The following ECE1 variants were observed in gnomAD, a reference collection of about 807,000 sequenced individuals.
ECE1 encodes the protein endothelin-converting enzyme 1.
In ECE1, 35 loss-of-function variants were observed where a neutral mutation model predicts 98.6. That is an observed-to-expected ratio of 0.35 (90% CI 0.27 to 0.47). The LOEUF (loss-of-function observed/expected upper bound fraction) is 0.47. ECE1 is among the 20% of genes least tolerant of loss of function. ECE1 has a pLI of 1.00. For synonymous variants in ECE1, 394 were observed against 407.1 expected (o/e 0.97, Z 0.39); for missense variants, 814 against 1,025.3 (o/e 0.79, Z 2.81).
intron 8 of ECE1, 92 bp from the exon 9 acceptor site, chr1:21,247,455 G>C: frequency 6.3e-7 from 1 of 1,599,338 alleles, no homozygotes. Flanking sequence ...GCAAAGGAAA[G>C]AGCTTGGGCT....
At chr1:21,276,182 C>A (rs757057033) in intron 3 of ECE1, among the ~76,000 whole-genome samples, 1 of 151,998 alleles carries the variant, frequency 6.6e-6, no homozygotes, top group Non-Finnish European at 1.5e-5. Flanking sequence ...TCCAACACCA[C>A]GCCTGGCTAA....
intron 1 of ECE1, chr1:21,344,835 T>C (rs1639467086): frequency 1.3e-5 from 2 of 152,786 alleles, no homozygotes; most frequent in African/African-American, 4.8e-5. Context: ...ATACACCCCT[T>C]AGGCCACAGC....
rs576793760 is a variant in ECE1, at chr1:21,233,622, G to T, written c.1606C>A (p.Arg536=). The T allele has an allele frequency of 6.2e-7, 1 of 1,613,834 alleles. No individual in the cohort carries two copies. The highest frequency in any genetic ancestry group is 1.3e-5 in the African/African-American group (1 of 74,912). The change falls in exon 14 of 19, where the codon CGG becomes AGG. Residue 536 remains arginine, a synonymous_variant. Coordinates refer to ENST00000374893, the MANE Select transcript of ECE1 (RefSeq NM_001397.3). The surrounding 1 kb of genome is among the most constrained non-coding windows in gnomAD (Gnocchi z 4.0). ...VPDLYFENAM[R]FFNFSWRVTA... is the part of the protein sequence containing the mutation. ...ACCCTCCATGAGAAGTTGAAAAACC[G>T]CATGGCATTTTCAAAGTAGAGGTCT...
Position 21,227,183 on chromosome 1 carries a change from G to T in ECE1, c.1825C>A (p.Leu609Met). The change falls in exon 16 of 19, where the codon CTG becomes ATG. Residue 609 changes from leucine to methionine, a missense_variant. By Grantham distance (15) the Leu-to-Met change is conservative. This residue lies in a region of ECE1 where 452 missense variants were observed against 567.3 expected (regional missense o/e 0.80). Coordinates refer to ENST00000374893, the MANE Select transcript of ECE1 (RefSeq NM_001397.3). ...CCTTGATCATCAAAAGCATGAGTCA[G>T]CTCATGGCCCACGACGACACCTATG... ...GGIGVVVGHE[L>M]THAFDDQGRE... is the part of the protein sequence containing the mutation. 1.2e-6 allele frequency: 2 copies of T among 1,614,154 alleles called. No homozygotes were observed. Among genetic ancestry groups the T allele is most frequent in the Non-Finnish European group, 1.7e-6 (2 of 1,180,000 alleles).
At chr1:21,242,085 C>T (rs1180221802) in intron 10 of ECE1, among the ~76,000 whole-genome samples, 1 of 152,162 alleles carries the variant, frequency 6.6e-6, no homozygotes, top group Non-Finnish European at 1.5e-5. Flanking sequence ...CGGCTGCATG[C>T]AGCGCTTGAG....
At chr1:21,232,547 A>G (rs1043690845) in intron 14 of ECE1, among the ~76,000 whole-genome samples, 3 of 151,966 alleles carry the variant, frequency 2.0e-5, no homozygotes, top group African/African-American at 7.3e-5. Flanking sequence ...CGATCTGCCC[A>G]CCTCAGCCTG....
At chr1:21,339,218 C>T (rs990393565) in intron 1 of ECE1, among the ~76,000 whole-genome samples, 2 of 152,218 alleles carry the variant, frequency 1.3e-5, no homozygotes, top group South Asian at 2.1e-4. Flanking sequence ...CAAGAACAGT[C>T]GGTGAATGGG....
intron 1 of ECE1, among the ~76,000 whole-genome samples, chr1:21,331,108 T>C (rs1028351326): frequency 6.6e-6 from 1 of 151,892 alleles, no homozygotes; most frequent in Admixed American, 6.6e-5. Flanking sequence ...ACCCTGTCTC[T>C]ACAAAAAAAT....
intron 4 of ECE1, among the ~76,000 whole-genome samples, chr1:21,262,550 C>T (rs1359779184): frequency 6.6e-6 from 1 of 152,246 alleles, no homozygotes; most frequent in East Asian, 1.9e-4. Context: ...CCAGGGCCAG[C>T]GCTGGGGAAG....
intron 1 of ECE1, among the ~76,000 whole-genome samples, chr1:21,331,966 G>A (rs988808343): frequency 6.6e-5 from 10 of 151,988 alleles, no homozygotes; most frequent in Non-Finnish European, 1.2e-4. Context: ...CCACTCCCAG[G>A]AGCCTCCTCA....
At chr1:21,230,661 C>T (rs1032045732) in intron 14 of ECE1, among the ~76,000 whole-genome samples, 1 of 152,098 alleles carries the variant, frequency 6.6e-6, no homozygotes, top group African/African-American at 2.4e-5. Context: ...GCTGGGATTA[C>T]AGGCGTGAGC....
At chr1:21,250,406 T>C (rs761614263) in intron 8 of ECE1, among the ~76,000 whole-genome samples, 1 of 152,240 alleles carries the variant, frequency 6.6e-6, no homozygotes, top group Non-Finnish European at 1.5e-5. Context: ...AAAATGCCTG[T>C]ACATGTCGAT....
chr1:21,238,118 C>G lies in ECE1; in HGVS notation c.1389+16G>C. ...AGTGTGACCTCACAGCCTGTGTCCA[C>G]GGGGAAGGCACTTACTATGCTCTTG... On this transcript the variant is annotated intron_variant, in intron 11 of 18. Coordinates refer to ENST00000374893, the MANE Select transcript of ECE1 (RefSeq NM_001397.3). The G allele has an allele frequency of 6.2e-7, 1 of 1,611,228 alleles. No individual in the cohort carries two copies. The highest frequency in any genetic ancestry group is 8.5e-7 in the Non-Finnish European group (1 of 1,177,432).
rs1416182338 is a variant in ECE1 at position 21,227,884 on chromosome 1, T to C, written c.1781+47A>G. 6 of 1,463,662 alleles carry C rather than the reference T, an allele frequency of 4.1e-6. No individual in the cohort carries two copies. In the Admixed American group the frequency reaches 6.0e-5, roughly 15 times the overall value. The allele number at this position is 1,463,662 out of a possible 1,614,324, so 90.7% of individuals were successfully genotyped here. On this transcript the variant is annotated intron_variant, in intron 15 of 18. Coordinates refer to ENST00000374893, the MANE Select transcript of ECE1 (RefSeq NM_001397.3). ...GCTTAGGTCGTATGGGCCCCAGGGC[T>C]GGGCTGGGGGAAAAGAATTGGGGTA...
Position 21,282,937 on chromosome 1 carries a change from A to AT in ECE1, c.139-3606dup, listed in dbSNP as rs536420247. On this transcript the variant is annotated intron_variant, in intron 2 of 18. Coordinates refer to ENST00000374893, the MANE Select transcript of ECE1 (RefSeq NM_001397.3). The stretch of plus-strand genomic sequence containing the variant: ...AGTGCAATTCTATCTTCACAACATT[A>AT]TTTTTTTTTTTTTTTTTTTTTTGAG... Among the ~76,000 whole-genome samples, 127 of 104,472 alleles carry AT rather than the reference A, an allele frequency of 1.2e-3. 1 individual carries two copies. The highest frequency in any genetic ancestry group is 2.1e-3 in the South Asian group (7 of 3,332). 68.5% of individuals were successfully genotyped at this position (104,472 alleles called of 152,430 possible).
intron 1 of ECE1, among the ~76,000 whole-genome samples, chr1:21,305,287 C>T (rs1339580781): frequency 1.3e-5 from 2 of 152,146 alleles, no homozygotes; most frequent in African/African-American, 4.8e-5. Context: ...ACATCTGGAT[C>T]CCTGGGCAAG....
rs1479287498 is a variant in ECE1, at chr1:21,218,773, T to C, written c.*1182A>G. ...GGCTAATTTTTGTAATTTTTTTTAG[T>C]AGAGATGGGGTTTCACCACGTTGGC... On this transcript the variant is annotated 3_prime_UTR_variant, in exon 19 of 19. Coordinates refer to ENST00000374893, the MANE Select transcript of ECE1 (RefSeq NM_001397.3). The surrounding 1 kb of genome is among the most constrained non-coding windows in gnomAD (Gnocchi z 4.0). 2 of 152,164 alleles carry C rather than the reference T, an allele frequency of 1.3e-5. No individual in the cohort carries two copies. Among genetic ancestry groups the C allele is most frequent in the Non-Finnish European group, 2.9e-5 (2 of 68,066 alleles). The allele number at this position is 152,164 out of a possible 1,614,324, so 9.4% of individuals were successfully genotyped here.
intron 1 of ECE1, among the ~76,000 whole-genome samples, chr1:21,320,035 G>A (rs1638928122): frequency 6.6e-6 from 1 of 152,194 alleles, no homozygotes; most frequent in Non-Finnish European, 1.5e-5. Context: ...AAAAAACAAA[G>A]GTGCATGCAT....
intron 9 of ECE1, among the ~76,000 whole-genome samples, chr1:21,246,235 T>C (rs1343819093): frequency 6.6e-6 from 1 of 152,030 alleles, no homozygotes; most frequent in East Asian, 1.9e-4. Flanking sequence ...TGTGGTGGCT[T>C]ATGCCTGTAA....
Sources: gnomAD v4.1 joint callset for allele counts (sites outside exome capture counted in the v4.1 genomes callset) on GRCh38, gnomAD v4.1.1 for gene constraint, gnomAD v4.1.1 regional missense constraint, Gnocchi (gnomAD v3.1) non-coding constraint, MANE v1.5 for transcripts, NCBI Gene and HGNC (gene_info 2026-07-23, HGNC 2026-07-21) for gene names.